ADCY5: variants seen among roughly 807,000 people sequenced by gnomAD.
The protein encoded by ADCY5 is adenylate cyclase 5.
In ADCY5, 30 loss-of-function variants were observed where a neutral mutation model predicts 119.7. The ratio of observed to expected loss-of-function variants is 0.25; its 90% confidence interval spans 0.19 to 0.34. ADCY5 has a LOEUF of 0.34. ADCY5 is among the 10% of genes least tolerant of loss of function. The probability of loss-of-function intolerance (pLI) is 1.00; values close to 1 mark genes in which losing one functional copy is unlikely to be tolerated. For synonymous variants in ADCY5, 753 were observed against 762.2 expected (o/e 0.99, Z 0.20); for missense variants, 1,324 against 1,775.2 (o/e 0.75, Z 4.57).
At position 123,282,383 on chromosome 3, in the gene ADCY5, A is replaced by G. The variant is rs1938431297; in HGVS notation, c.*2225T>C. 1 of 152,240 alleles carries G rather than the reference A, an allele frequency of 6.6e-6. No individual in the cohort carries two copies. The highest frequency in any genetic ancestry group is 1.5e-5 in the Non-Finnish European group (1 of 68,048). 9.4% of individuals were successfully genotyped at this position (152,240 alleles called of 1,614,324 possible). On this transcript the variant is annotated 3_prime_UTR_variant, in exon 21 of 21. Coordinates refer to ENST00000462833, the MANE Select transcript of ADCY5 (RefSeq NM_183357.3). ...TCATAATCGTATCTGTTTTTGCAAG[A>G]GTAGGAATAAAAAGAGTGCACACCC...
chr3:123,445,152 G>A (rs774417931), intron 1 of ADCY5, among the ~76,000 whole-genome samples: 1 of 152,206 alleles, frequency 6.6e-6, no homozygotes, highest in African/African-American at 2.4e-5. Flanking sequence ...TAAAGTAAGT[G>A]TAAATCCACC....
intron 1 of ADCY5, chr3:123,419,114 G>C (rs1945247307): frequency 1.0e-6 from 1 of 978,708 alleles, no homozygotes. Context: ...AATCCTAAGG[G>C]TTCTGTTTCT....
chr3:123,303,843 G>A (rs1292333948), intron 13 of ADCY5, among the ~76,000 whole-genome samples: 10 of 59,294 alleles, frequency 1.7e-4, no homozygotes, highest in African/African-American at 7.1e-4. Flanking sequence ...AAAGAAAAGA[G>A]AAGAGAAGAG....
At chr3:123,364,686 G>T (rs2107513572) in intron 1 of ADCY5, among the ~76,000 whole-genome samples, 1 of 152,170 alleles carries the variant, frequency 6.6e-6, no homozygotes, top group South Asian at 2.1e-4. Flanking sequence ...AAAACCTCTT[G>T]ATGGCCGCAT....
At chr3:123,299,085 C>T (rs76490577) in intron 15 of ADCY5, among the ~76,000 whole-genome samples, 6,662 of 152,140 alleles carry the variant, frequency 0.044, 494 homozygotes, top group African/African-American at 0.15. Context: ...AATCTATTGA[C>T]ATGAAAAAAT....
At chr3:123,355,057 G>A (rs770034421) in intron 1 of ADCY5, among the ~76,000 whole-genome samples, 2 of 152,190 alleles carry the variant, frequency 1.3e-5, no homozygotes, top group Non-Finnish European at 2.9e-5. Context: ...AAGCCAGGTT[G>A]TTCCCTCTCG....
intron 1 of ADCY5, among the ~76,000 whole-genome samples, chr3:123,418,459 T>C (rs1945231155): frequency 6.6e-6 from 1 of 152,226 alleles, no homozygotes; most frequent in Non-Finnish European, 1.5e-5. Context: ...AGCACCAGCA[T>C]CTGCTCTGCT....
At chr3:123,349,186 C>T (rs1942716843) in intron 2 of ADCY5, among the ~76,000 whole-genome samples, 1 of 152,258 alleles carries the variant, frequency 6.6e-6, no homozygotes, top group African/African-American at 2.4e-5. Flanking sequence ...CGCTTTCCCA[C>T]ATTGTCATTC....
chr3:123,308,002 C>CCATGCTCTTTTTTTTTTTT, intron 12 of ADCY5, among the ~76,000 whole-genome samples: 3 of 143,944 alleles, frequency 2.1e-5, no homozygotes, highest in African/African-American at 8.1e-5. Flanking sequence ...CCAACTTCCT[C>CCATGCTCTTTTTTTTTTTT]CATGCTCTTT....
At chr3:123,441,026 T>A (rs1945712962) in intron 1 of ADCY5, among the ~76,000 whole-genome samples, 1 of 152,186 alleles carries the variant, frequency 6.6e-6, no homozygotes. Flanking sequence ...GAGATGGGCA[T>A]GATAAGAGGA....
rs369003059 is a variant in ADCY5, at chr3:123,297,336, G to A, written c.2930+17C>T. 34 of 1,613,310 alleles carry A rather than the reference G, an allele frequency of 2.1e-5. No individual in the cohort carries two copies. Among genetic ancestry groups the A allele is most frequent in the Middle Eastern group, 1.6e-4 (1 of 6,084 alleles). On this transcript the variant is annotated intron_variant, in intron 16 of 20. Coordinates refer to ENST00000462833, the MANE Select transcript of ADCY5 (RefSeq NM_183357.3). Reference sequence around the variant, plus strand: ...CTGAGGGCAGGGAGCGACCCTATCCGAGGAGCATCAACTCACCACTGGGAG... The same window carrying A: ...CTGAGGGCAGGGAGCGACCCTATCCAAGGAGCATCAACTCACCACTGGGAG...
intron 1 of ADCY5, among the ~76,000 whole-genome samples, chr3:123,397,107 C>G (rs1016896198): frequency 6.6e-6 from 1 of 152,188 alleles, no homozygotes; most frequent in African/African-American, 2.4e-5. Context: ...TTGTCTCTGT[C>G]CTGACATTCC....
rs1490283669 is a variant in ADCY5 at position 123,334,490 on chromosome 3, C to A, written c.1407-1815G>T. On this transcript the variant is annotated intron_variant, in intron 3 of 20. Transcript: ENST00000462833. ...ATTGGGCTCACACCTGTAATCCCAGCACTTTGGGAGGCTTAAGTGGGCGGA... is the reference window on the plus strand; with the variant it reads ...ATTGGGCTCACACCTGTAATCCCAGAACTTTGGGAGGCTTAAGTGGGCGGA... Among the ~76,000 whole-genome samples the A allele has an allele frequency of 5.3e-5, 8 of 152,206 alleles. 1 individual carries two copies. Among genetic ancestry groups the A allele is most frequent in the Admixed American group, 5.2e-4 (8 of 15,288 alleles).
intron 1 of ADCY5, among the ~76,000 whole-genome samples, chr3:123,361,153 T>C (rs540795593): frequency 6.6e-6 from 1 of 152,284 alleles, no homozygotes; most frequent in South Asian, 2.1e-4. Context: ...TCATAGATCC[T>C]GGTCACATAA....
At position 123,328,639 on chromosome 3, in the gene ADCY5, C is replaced by T; in HGVS notation, c.1805+5G>A. On this transcript the variant is annotated splice_donor_5th_base_variant and intron_variant, in intron 6 of 20. Transcript: ENST00000462833. The stretch of plus-strand genomic sequence containing the variant: ...GGCCCCAAGCCACCCACAGCTGTCA[C>T]TCACCCTGCCTTGCCGCCAGCCTCC... 2 of 1,613,732 alleles carry T rather than the reference C, an allele frequency of 1.2e-6. No homozygotes were observed. The highest frequency in any genetic ancestry group is 1.7e-6 in the Non-Finnish European group (2 of 1,179,916).
At chr3:123,364,459 T>A (rs1943363112) in intron 1 of ADCY5, among the ~76,000 whole-genome samples, 1 of 152,110 alleles carries the variant, frequency 6.6e-6, no homozygotes, top group Non-Finnish European at 1.5e-5. Flanking sequence ...CCAGCGGGAA[T>A]CCCAGTGGAG....
intron 1 of ADCY5, among the ~76,000 whole-genome samples, chr3:123,360,679 C>T (rs1373661161): frequency 1.3e-5 from 2 of 152,160 alleles, no homozygotes; most frequent in Non-Finnish European, 2.9e-5. Flanking sequence ...TTATTTAATA[C>T]AACTTTAATG....
chr3:123,311,833 T>G (rs545185867), intron 12 of ADCY5, among the ~76,000 whole-genome samples: 372 of 152,242 alleles, frequency 2.4e-3, no homozygotes, highest in African/African-American at 8.3e-3. Flanking sequence ...AGGGCGGGTA[T>G]TCCATCCACC....
chr3:123,400,405 A>G (rs898479070), intron 1 of ADCY5, among the ~76,000 whole-genome samples: 36 of 152,210 alleles, frequency 2.4e-4, no homozygotes, highest in African/African-American at 8.2e-4. Context: ...TCTTTGACCC[A>G]CTAATTCTGC....
Sources: gnomAD v4.1 joint callset for allele counts (sites outside exome capture counted in the v4.1 genomes callset) on GRCh38, gnomAD v4.1.1 for gene constraint, MANE v1.5 for transcripts, NCBI Gene and HGNC (gene_info 2026-07-23, HGNC 2026-07-21) for gene names.